Variants in MAP4K4 observed in about 807,000 individuals in gnomAD.
MAP4K4 encodes the protein HPK/GCK-like kinase HGK.
In MAP4K4, 38 loss-of-function variants were observed where a neutral mutation model predicts 189.6. That is an observed-to-expected ratio of 0.20 (90% CI 0.15 to 0.26). MAP4K4 has a LOEUF of 0.26. Among genes scored for constraint, MAP4K4 ranks in the 10% least tolerant of loss-of-function variants. The pLI is 1.00. For missense variants in MAP4K4, 1,054 were observed against 1,726.9 expected (o/e 0.61, Z 6.91); for synonymous variants, 610 against 624.3 (o/e 0.98, Z 0.34).
intron 2 of MAP4K4, among the ~76,000 whole-genome samples, chr2:101,719,239 C>T (rs1481148890): frequency 6.6e-6 from 1 of 152,162 alleles, no homozygotes; most frequent in Admixed American, 6.5e-5. Context: ...GTGCTACTGT[C>T]TTCCCCCCTA....
At position 101,790,697 on chromosome 2, in the gene MAP4K4, G is replaced by T. The variant is rs556206748; in HGVS notation, c.124-23G>T. 6.9e-6 allele frequency: 11 copies of T among 1,587,196 alleles called. No individual in the cohort carries two copies. In the African/African-American group the frequency reaches 8.1e-5, roughly 12 times the overall value. On this transcript the variant is annotated intron_variant, in intron 2 of 32. Transcript: ENST00000324219. ...TGCAAAAAAATTGGTGCTGATTTTTGATCTATTTTTTCTGTTTTTCAGGGT... is the reference window on the plus strand; with the variant it reads ...TGCAAAAAAATTGGTGCTGATTTTTTATCTATTTTTTCTGTTTTTCAGGGT...
intron 3 of MAP4K4, among the ~76,000 whole-genome samples, chr2:101,807,267 A>G (rs1248032828): frequency 1.3e-5 from 2 of 151,884 alleles, no homozygotes; most frequent in East Asian, 1.9e-4. Context: ...TATATTGCCC[A>G]GGCTAGTCTC....
intron 2 of MAP4K4, among the ~76,000 whole-genome samples, chr2:101,760,532 G>GTATA (rs1378742797): frequency 0.047 from 2,155 of 46,016 alleles, 57 homozygotes; most frequent in African/African-American, 0.19. Context: ...ATGTATATAT[G>GTATA]TGTGTGTGTG....
intron 3 of MAP4K4, among the ~76,000 whole-genome samples, chr2:101,810,305 T>A (rs1044032732): frequency 5.9e-5 from 9 of 152,066 alleles, no homozygotes; most frequent in African/African-American, 1.9e-4. Context: ...GGGTTTTTTT[T>A]AAATACAGGT....
At chr2:101,827,127 A>G (rs1338344793) in intron 5 of MAP4K4, among the ~76,000 whole-genome samples, 3 of 152,302 alleles carry the variant, frequency 2.0e-5, no homozygotes, top group Non-Finnish European at 2.9e-5. Context: ...CCATTTTACC[A>G]TCAGTAATCT....
intron 3 of MAP4K4, among the ~76,000 whole-genome samples, chr2:101,793,568 G>GTTT (rs5832988): frequency 0.01 from 1,292 of 127,508 alleles, 40 homozygotes; most frequent in African/African-American, 0.037. Flanking sequence ...ACTCTTCATG[G>GTTT]TTTTTTTTTT....
intron 12 of MAP4K4, among the ~76,000 whole-genome samples, chr2:101,845,171 C>CA (rs962683526): frequency 8.0e-4 from 104 of 130,584 alleles, no homozygotes; most frequent in Middle Eastern, 3.7e-3. Flanking sequence ...TGGTTTAAGC[C>CA]AAAAAAAAAA....
intron 3 of MAP4K4, among the ~76,000 whole-genome samples, chr2:101,822,828 C>T (rs1355177695): frequency 6.6e-6 from 1 of 152,136 alleles, no homozygotes; most frequent in Non-Finnish European, 1.5e-5. Flanking sequence ...TTTTAGGGGA[C>T]TAGTCATCTT....
At chr2:101,698,750 T>C (rs1021360061) in intron 2 of MAP4K4, among the ~76,000 whole-genome samples, 3 of 152,168 alleles carry the variant, frequency 2.0e-5, no homozygotes, top group Admixed American at 1.3e-4. Flanking sequence ...GGCTTTGAGA[T>C]AAGGAAATAA....
At chr2:101,886,794 C>T (rs2098491098) in intron 29 of MAP4K4, among the ~76,000 whole-genome samples, 1 of 152,066 alleles carries the variant, frequency 6.6e-6, no homozygotes, top group Admixed American at 6.5e-5. Flanking sequence ...GTAATTCCAG[C>T]ACTTTGGGAG....
At chr2:101,873,619 A>G (rs1244043091) in intron 24 of MAP4K4, 28 bp from the exon 25 acceptor site, 3 of 1,175,226 alleles carry the variant, frequency 2.6e-6, no homozygotes, top group African/African-American at 3.0e-5. Flanking sequence ...TGCCAGTTGT[A>G]TTAATAACAT....
At chr2:101,849,499 T>C (rs2097211731) in intron 12 of MAP4K4, among the ~76,000 whole-genome samples, 3 of 152,106 alleles carry the variant, frequency 2.0e-5, no homozygotes, top group Non-Finnish European at 4.4e-5. Flanking sequence ...ACTTTGGGTC[T>C]AGTTAAATTT....
chr2:101,776,685 G>A (rs1453606286), intron 2 of MAP4K4, among the ~76,000 whole-genome samples: 1 of 147,792 alleles, frequency 6.8e-6, no homozygotes. Flanking sequence ...TTAGCACCTA[G>A]AGAGTAGTTT....
chr2:101,849,425 A>C (rs1472204613), intron 12 of MAP4K4, among the ~76,000 whole-genome samples: 1 of 152,164 alleles, frequency 6.6e-6, no homozygotes, highest in Non-Finnish European at 1.5e-5. Context: ...CACTGTGCCC[A>C]GCCAAAAAGT....
intron 13 of MAP4K4, among the ~76,000 whole-genome samples, chr2:101,856,782 G>T (rs1445119723): frequency 6.6e-6 from 1 of 152,118 alleles, no homozygotes; most frequent in Admixed American, 6.5e-5. Context: ...TCTTTGAATT[G>T]ATCTCTTTGT....
At chr2:101,735,565 A>G (rs1476201340) in intron 2 of MAP4K4, among the ~76,000 whole-genome samples, 1 of 152,114 alleles carries the variant, frequency 6.6e-6, no homozygotes, top group Non-Finnish European at 1.5e-5. Flanking sequence ...CTTCTTAGTC[A>G]TTTGTTGGGT....
intron 2 of MAP4K4, among the ~76,000 whole-genome samples, chr2:101,729,079 AGAG>A (rs779354767): frequency 8.4e-4 from 91 of 108,506 alleles, no homozygotes; most frequent in African/African-American, 2.7e-3. Context: ...TAGAGAGAGG[AGAG>A]AGAGAGAGAG....
At chr2:101,771,705 T>C (rs558946854) in intron 2 of MAP4K4, among the ~76,000 whole-genome samples, 1 of 152,338 alleles carries the variant, frequency 6.6e-6, no homozygotes, top group East Asian at 1.9e-4. Flanking sequence ...ACTCCAGCAA[T>C]TAATGAGGCC....
intron 2 of MAP4K4, among the ~76,000 whole-genome samples, chr2:101,741,352 T>C (rs1333858211): frequency 6.6e-6 from 1 of 151,936 alleles, no homozygotes; most frequent in Non-Finnish European, 1.5e-5. Flanking sequence ...GTATTTTTAG[T>C]AGAGACGGGG....
Sources: allele counts gnomAD v4.1 joint callset (sites outside exome capture counted in the v4.1 genomes callset), GRCh38; gene constraint gnomAD v4.1.1; transcripts MANE v1.5; gene names NCBI Gene and HGNC (gene_info 2026-07-23, HGNC 2026-07-21).